DUXA: variants seen among roughly 807,000 people sequenced by gnomAD.
DUXA encodes the protein double homeobox protein A.
DUXA carries 25 observed loss-of-function variants against 27.5 expected under a neutral mutation model. The observed-to-expected ratio is 0.91, with a 90% CI of 0.66 to 1.27. The LOEUF (loss-of-function observed/expected upper bound fraction) is 1.27, where lower values mean the gene tolerates loss of function less well. Ranked by LOEUF, DUXA falls within the 50% of genes most tolerant of loss-of-function variation. The pLI is 0.00. For missense variants in DUXA, 247 were observed against 242.9 expected (o/e 1.02, Z -0.11); for synonymous variants, 90 against 80.5 (o/e 1.12, Z -0.63).
At chr19:57,166,295 T>C (rs1266230025) in intron 1 of DUXA, among the ~76,000 whole-genome samples, 1 of 152,104 alleles carries the variant, frequency 6.6e-6, no homozygotes, top group Non-Finnish European at 1.5e-5. Flanking sequence ...AGTGACATAA[T>C]TTAATTTATG....
chr19:57,154,695 C>T (rs10421475), intron 5 of DUXA, among the ~76,000 whole-genome samples: 13,069 of 151,952 alleles, frequency 0.086, 877 homozygotes, highest in African/African-American at 0.17. Context: ...TCCCGAGTAG[C>T]TGGGACTACA....
chr19:57,162,722 G>A (rs1003383487), intron 1 of DUXA, among the ~76,000 whole-genome samples: 14 of 151,998 alleles, frequency 9.2e-5, no homozygotes, highest in African/African-American at 3.1e-4. Context: ...TTACAGGCAC[G>A]TGCCGCCACG....
chr19:57,159,424 T>C (rs2087009181), intron 2 of DUXA, 146 bp from the exon 3 acceptor site: 2 of 777,200 alleles, frequency 2.6e-6, no homozygotes, highest in Non-Finnish European at 4.0e-6. Context: ...TCCTTTTTTT[T>C]CTTTTTTGAG....
chr19:57,163,645 C>T lies in DUXA; in HGVS notation c.26-2848G>A, dbSNP rs537941455. ...TTTTAGTGGAGACGTGGTTTTGCCA[C>T]GTAGGCCAGGCTGGTCTGGATGATC... On this transcript the variant is annotated intron_variant, in intron 1 of 5. Coordinates refer to ENST00000554048, the MANE Select transcript of DUXA (RefSeq NM_001012729.2). 9.4e-4 allele frequency among the ~76,000 whole-genome samples: 143 copies of T among 152,016 alleles called. 2 individuals are homozygous for T. In the South Asian group the frequency reaches 0.012, roughly 13 times the overall value.
chr19:57,154,195 C>T lies in DUXA; in HGVS notation c.*217G>A, dbSNP rs1339088871. 1.8e-5 allele frequency: 9 copies of T among 500,080 alleles called. No homozygotes were observed. Among genetic ancestry groups the T allele is most frequent in the South Asian group, 1.5e-4 (7 of 45,970 alleles). The allele number at this position is 500,080 out of a possible 1,614,324, so 31.0% of individuals were successfully genotyped here. ...GAGGCAGAGTCTTGCTATATGTTGT[C>T]CAGGCTGGTTTCAAACTCCTGAGCT... On this transcript the variant is annotated 3_prime_UTR_variant, in exon 6 of 6. Coordinates refer to ENST00000554048, the MANE Select transcript of DUXA (RefSeq NM_001012729.2).
chr19:57,165,632 C>T (rs1441242116), intron 1 of DUXA, among the ~76,000 whole-genome samples: 2 of 151,438 alleles, frequency 1.3e-5, no homozygotes, highest in Non-Finnish European at 2.9e-5. Flanking sequence ...AGTGAAACCC[C>T]GTCTCTACTA....
intron 4 of DUXA, among the ~76,000 whole-genome samples, chr19:57,155,936 T>G (rs919177386): frequency 6.6e-6 from 1 of 152,210 alleles, no homozygotes; most frequent in Non-Finnish European, 1.5e-5. Context: ...CCCAAAGTGC[T>G]GGCATTACAG....
chr19:57,158,195 G>C, intron 4 of DUXA, 133 bp downstream of exon 4: 1 of 1,022,588 alleles, frequency 9.8e-7, no homozygotes, highest in East Asian at 2.4e-5. Context: ...GTAGAAGCCA[G>C]CAGACAGGGA....
At chr19:57,166,096 T>C (rs1248914330) in intron 1 of DUXA, among the ~76,000 whole-genome samples, 1 of 151,808 alleles carries the variant, frequency 6.6e-6, no homozygotes, top group East Asian at 1.9e-4. Context: ...TTGAGAGACA[T>C]TGCAGGAGGT....
chr19:57,164,481 G>A lies in DUXA; in HGVS notation c.25+2938C>T, dbSNP rs372689033. Among the ~76,000 whole-genome samples, 17 of 152,184 alleles carry A rather than the reference G, an allele frequency of 1.1e-4. No individual in the cohort carries two copies. The East Asian group carries it at 1.6e-3, about 14-fold the overall frequency. ...TCCCAGCAACTTGGGAGGCTGAGGC[G>A]AGAGAATCGCTTGAACCCGGGAGGC... On this transcript the variant is annotated intron_variant, in intron 1 of 5. Transcript: ENST00000554048.
At chr19:57,166,305 G>T (rs1413772331) in intron 1 of DUXA, among the ~76,000 whole-genome samples, 1 of 151,988 alleles carries the variant, frequency 6.6e-6, no homozygotes, top group Non-Finnish European at 1.5e-5. Context: ...TTTAATTTAT[G>T]TATGTATGTA....
chr19:57,154,535 C>CCTAAGGAGGAAA, intron 5 of DUXA, 53 bp from the exon 6 acceptor site: 6 of 1,319,982 alleles, frequency 4.5e-6, no homozygotes, highest in East Asian at 2.3e-5. Context: ...CTTATATTCA[C>CCTAAGGAGGAAA]AAACATGGAC....
chr19:57,155,692 G>A (rs183433522), intron 4 of DUXA, among the ~76,000 whole-genome samples: 4 of 118,184 alleles, frequency 3.4e-5, no homozygotes, highest in South Asian at 5.3e-4. Flanking sequence ...TTTTTAATAC[G>A]GAGTCTCACT....
chr19:57,154,691 G>A (rs2086982898), intron 5 of DUXA, among the ~76,000 whole-genome samples: 1 of 151,934 alleles, frequency 6.6e-6, no homozygotes, highest in African/African-American at 2.4e-5. Flanking sequence ...AGCCTCCCGA[G>A]TAGCTGGGAC....
chr19:57,155,404 A>G, intron 4 of DUXA, 32 bp from the exon 5 acceptor site: 2 of 1,518,816 alleles, frequency 1.3e-6, no homozygotes, highest in East Asian at 4.5e-5. Flanking sequence ...CTTAATTTAA[A>G]CAAAGAATGT....
chr19:57,154,616 T>C, intron 5 of DUXA, 134 bp from the exon 6 acceptor site: 3 of 631,948 alleles, frequency 4.7e-6, no homozygotes, highest in East Asian at 3.8e-5. Flanking sequence ...CAGGCTGGAG[T>C]GCGGTGGCGC....
In DUXA at chr19:57,154,310, G is replaced by C; in HGVS notation, c.*102C>G. ...GCCAAGTCCTTTACCATCTTCAGAA[G>C]GCTTAGCTTGCAGTTTCAGCAGAAG... On this transcript the variant is annotated 3_prime_UTR_variant, in exon 6 of 6. Coordinates refer to ENST00000554048, the MANE Select transcript of DUXA (RefSeq NM_001012729.2). 9.0e-7 allele frequency: 1 copy of C among 1,105,842 alleles called. No individual in the cohort carries two copies. The highest frequency in any genetic ancestry group is 1.3e-6 in the Non-Finnish European group (1 of 742,786). The allele number at this position is 1,105,842 out of a possible 1,614,324, so 68.5% of individuals were successfully genotyped here. A position where few individuals can be genotyped will look rare whatever the true frequency, so the allele number is the denominator to read the frequency against.
intron 1 of DUXA, among the ~76,000 whole-genome samples, chr19:57,162,457 A>G (rs1166073149): frequency 8.5e-5 from 13 of 152,242 alleles, no homozygotes; most frequent in Admixed American, 8.5e-4. Context: ...AATTGAGATA[A>G]GAAGAAAATT....
intron 5 of DUXA, 37 bp from the exon 6 acceptor site, chr19:57,154,519 G>T: frequency 6.7e-7 from 1 of 1,501,722 alleles, no homozygotes; most frequent in Non-Finnish European, 9.3e-7. Flanking sequence ...GAATGTAAGA[G>T]ATCAGCTTAT....
Sources: gnomAD v4.1 joint callset for allele counts (sites outside exome capture counted in the v4.1 genomes callset) on GRCh38, gnomAD v4.1.1 for gene constraint, MANE v1.5 for transcripts, NCBI Gene and HGNC (gene_info 2026-07-23, HGNC 2026-07-21) for gene names.